PELI2: variants seen among roughly 807,000 people sequenced by gnomAD.
PELI2 encodes E3 ubiquitin-protein ligase pellino homolog 2.
In PELI2, 23 loss-of-function variants were observed where a neutral mutation model predicts 42.3. The ratio of observed to expected loss-of-function variants is 0.54; its 90% CI spans 0.39 to 0.77. PELI2 has a LOEUF of 0.77. Among genes scored for constraint, PELI2 ranks in the 30% least tolerant of loss-of-function variants. The probability of loss-of-function intolerance (pLI) is 0.00; values close to 1 mark genes in which losing one functional copy is unlikely to be tolerated. For missense variants in PELI2, 463 were observed against 553.2 expected (o/e 0.84, Z 1.64); for synonymous variants, 245 against 212.2 (o/e 1.15, Z -1.34).
intron 2 of PELI2, among the ~76,000 whole-genome samples, chr14:56,234,770 T>C (rs975924344): frequency 1.3e-5 from 2 of 151,848 alleles, no homozygotes; most frequent in African/African-American, 2.4e-5. Context: ...ATGTAAAAAG[T>C]GAAGCCTGGT....
At chr14:56,278,543 C>A (rs946429309) in intron 2 of PELI2, among the ~76,000 whole-genome samples, 1 of 152,068 alleles carries the variant, frequency 6.6e-6, no homozygotes, top group African/African-American at 2.4e-5. Flanking sequence ...GAAGTATTAT[C>A]TTAAGGAAGC....
chr14:56,294,714 G>A (rs544024517), intron 5 of PELI2, among the ~76,000 whole-genome samples: 6 of 152,126 alleles, frequency 3.9e-5, no homozygotes, highest in South Asian at 2.1e-4. Context: ...ATGTTTCTTC[G>A]AGCCTGATCT....
chr14:56,255,272 G>A (rs1163293566), intron 2 of PELI2, among the ~76,000 whole-genome samples: 3 of 152,220 alleles, frequency 2.0e-5, no homozygotes, highest in Admixed American at 1.3e-4. Context: ...TAAAGAAAAT[G>A]TGGCACATAT....
chr14:56,171,502 A>G (rs1352985533), intron 1 of PELI2, among the ~76,000 whole-genome samples: 1 of 152,154 alleles, frequency 6.6e-6, no homozygotes, highest in Non-Finnish European at 1.5e-5. Flanking sequence ...CACAAAACAT[A>G]CTAAGATAAT....
At chr14:56,282,011 A>G (rs1889496660) in intron 3 of PELI2, among the ~76,000 whole-genome samples, 1 of 152,182 alleles carries the variant, frequency 6.6e-6, no homozygotes, top group Non-Finnish European at 1.5e-5. Flanking sequence ...AAATGTTTAC[A>G]TAGTTTGACT....
At chr14:56,123,244 C>T (rs1883130411) in intron 1 of PELI2, among the ~76,000 whole-genome samples, 3 of 151,732 alleles carry the variant, frequency 2.0e-5, no homozygotes, top group Admixed American at 1.3e-4. Flanking sequence ...AACCTCAGCA[C>T]TTTGCCTTGA....
At chr14:56,234,697 A>G (rs1235571358) in intron 2 of PELI2, among the ~76,000 whole-genome samples, 1 of 152,172 alleles carries the variant, frequency 6.6e-6, no homozygotes, top group Non-Finnish European at 1.5e-5. Flanking sequence ...ACATGTATAC[A>G]TATGTAACAA....
chr14:56,175,674 G>A (rs1885349708), intron 1 of PELI2, among the ~76,000 whole-genome samples: 1 of 152,188 alleles, frequency 6.6e-6, no homozygotes, highest in Non-Finnish European at 1.5e-5. Flanking sequence ...CAATATCTGT[G>A]CCTCTATGCT....
chr14:56,166,561 T>G (rs1285388625), intron 1 of PELI2, among the ~76,000 whole-genome samples: 2 of 152,234 alleles, frequency 1.3e-5, no homozygotes, highest in East Asian at 1.9e-4. Flanking sequence ...GGTCTGGTAT[T>G]GATGAAATTT....
chr14:56,230,787 T>C (rs1358491059), intron 2 of PELI2, among the ~76,000 whole-genome samples: 1 of 152,162 alleles, frequency 6.6e-6, no homozygotes, highest in African/African-American at 2.4e-5. Context: ...AATGTTCCAA[T>C]TAAAAGACAC....
intron 2 of PELI2, among the ~76,000 whole-genome samples, chr14:56,183,459 C>T (rs142221701): frequency 1.3e-5 from 2 of 152,034 alleles, no homozygotes; most frequent in African/African-American, 4.8e-5. Flanking sequence ...TACGAAGTAT[C>T]AATATAATAT....
intron 2 of PELI2, among the ~76,000 whole-genome samples, chr14:56,257,202 G>A (rs1420538789): frequency 6.6e-6 from 1 of 152,130 alleles, no homozygotes; most frequent in Non-Finnish European, 1.5e-5. Context: ...GTATGTATGT[G>A]CTAGGAAATG....
Position 56,296,620 on chromosome 14 carries a change from C to T in PELI2, c.717C>T (p.Val239=). 1.2e-6 allele frequency: 2 copies of T among 1,604,458 alleles called. No homozygotes were observed. The highest frequency in any genetic ancestry group is 1.7e-6 in the Non-Finnish European group (2 of 1,173,602). Residue 239 remains valine, a synonymous_variant, in exon 6 of 6, where the codon GTC becomes GTT. Transcript: ENST00000267460. ...TGTAGGTGGAAAGTGAGACCAACGT[C>T]CTGCAGGACGGCTCCCTCATTGACC... ...RGKLVESETN[V]LQDGSLIDLC...
intron 2 of PELI2, among the ~76,000 whole-genome samples, chr14:56,227,895 T>C (rs1020892418): frequency 2.0e-5 from 3 of 152,224 alleles, no homozygotes; most frequent in South Asian, 2.1e-4. Context: ...CCAGCAAATC[T>C]GGACAGTATA....
At chr14:56,118,966 G>T (rs1391922080) in intron 1 of PELI2, 1 of 254,796 alleles carries the variant, frequency 3.9e-6, no homozygotes, top group Non-Finnish European at 7.4e-6. Context: ...CGCGGAGGAC[G>T]CGGCGGAGGA....
rs916599659 is a variant in PELI2, at chr14:56,288,910, C to A, written c.507+276C>A. On this transcript the variant is annotated intron_variant, in intron 4 of 5. Transcript: ENST00000267460. This position sits in a 1 kb window ranked among gnomAD's most constrained non-coding sequence, Gnocchi z 4.6. ...AACATTGTCCATAATGTATTTACGG[C>A]AACGAAGAGGTTTATTTCAGAGAGA... 1.3e-5 allele frequency among the ~76,000 whole-genome samples: 2 copies of A among 151,984 alleles called. No homozygotes were observed. The highest frequency in any genetic ancestry group is 1.9e-4 in the East Asian group (1 of 5,186).
In PELI2 at chr14:56,273,676, T is replaced by C. The variant is rs1478869137; in HGVS notation, c.208-6000T>C. Among the ~76,000 whole-genome samples, 2 of 152,200 alleles carry C rather than the reference T, an allele frequency of 1.3e-5. No homozygotes were observed. The highest frequency in any genetic ancestry group is 1.3e-4 in the Admixed American group (2 of 15,284). On this transcript the variant is annotated intron_variant, in intron 2 of 5. Transcript: ENST00000267460. This position sits in a 1 kb window ranked among gnomAD's most constrained non-coding sequence, Gnocchi z 4.3. ...ATTATGAAGGTAATAATGCTAACTG[T>C]ATGTGAACAACAGTGGCAAGAGAGG...
intron 2 of PELI2, among the ~76,000 whole-genome samples, chr14:56,179,259 G>A (rs906627379): frequency 6.6e-6 from 1 of 151,998 alleles, no homozygotes; most frequent in African/African-American, 2.4e-5. Flanking sequence ...GGGGCTACTG[G>A]CTGTACCTGT....
chr14:56,228,839 C>A (rs1486642129), intron 2 of PELI2, among the ~76,000 whole-genome samples: 1 of 152,212 alleles, frequency 6.6e-6, no homozygotes, highest in Non-Finnish European at 1.5e-5. Flanking sequence ...CAGGGAATTC[C>A]CTTTCCTAGC....
Sources: gnomAD v4.1 joint callset for allele counts (sites outside exome capture counted in the v4.1 genomes callset) on GRCh38, gnomAD v4.1.1 for gene constraint, Gnocchi (gnomAD v3.1) non-coding constraint, MANE v1.5 for transcripts, NCBI Gene and HGNC (gene_info 2026-07-23, HGNC 2026-07-21) for gene names.